SGCD: variants seen among roughly 807,000 people sequenced by gnomAD.
The protein encoded by SGCD is delta-sarcoglycan.
A neutral mutation model predicts 36.6 loss-of-function variants in SGCD; 18 were observed. That is an observed-to-expected ratio of 0.49 (90% CI 0.34 to 0.73). The LOEUF is 0.73. Among genes scored for constraint, SGCD ranks in the 30% least tolerant of loss-of-function variants. SGCD has a pLI of 0.01. For missense variants in SGCD, 387 were observed against 346.7 expected, an observed-to-expected ratio of 1.12 and a Z score of -0.92; for synonymous variants, 133 against 130.6, an observed-to-expected ratio of 1.02 and a Z score of -0.12.
At chr5:156,461,606 C>CTCT (rs954594798) in intron 3 of SGCD, among the ~76,000 whole-genome samples, 29 of 151,938 alleles carry the variant, frequency 1.9e-4, no homozygotes, top group African/African-American at 7.0e-4. Flanking sequence ...TGGATTTTCA[C>CTCT]TCTTTTTTTC....
In SGCD at chr5:155,890,239, T is replaced by C. The variant is rs867004945; in HGVS notation, c.-282+19815T>C. On this transcript the variant is annotated intron_variant, in intron 1 of 9. Transcript: ENST00000517913. ...ACAAACATCTAACACAAGTTATTGG[T>C]GTAGATTGTTTGGATATAGGAAACT... Among the ~76,000 whole-genome samples, 7 of 152,236 alleles carry C rather than the reference T, an allele frequency of 4.6e-5. No homozygotes were observed. In the South Asian group the frequency reaches 6.2e-4, roughly 14 times the overall value.
At chr5:155,778,988 A>T in the SGCD span, among the ~76,000 whole-genome samples, 1 of 152,184 alleles carries the variant, frequency 6.6e-6, no homozygotes, top group South Asian at 2.1e-4. Context: ...AGATCTCTCA[A>T]AATAAATTGA....
At chr5:156,613,145 T>C (rs1041970339) in intron 6 of SGCD, among the ~76,000 whole-genome samples, 2 of 152,206 alleles carry the variant, frequency 1.3e-5, no homozygotes, top group Non-Finnish European at 2.9e-5. Flanking sequence ...GTGATCTCCA[T>C]TGTATTTCCT....
intron 1 of SGCD, among the ~76,000 whole-genome samples, chr5:155,948,885 A>G (rs1757498038): frequency 6.6e-6 from 1 of 152,198 alleles, no homozygotes; most frequent in African/African-American, 2.4e-5. Flanking sequence ...AGTCTATAAG[A>G]TTTGGCTGAA....
intron 3 of SGCD, among the ~76,000 whole-genome samples, chr5:156,217,907 G>GAATCTTGT (rs976744381): frequency 2.0e-5 from 3 of 151,890 alleles, no homozygotes; most frequent in African/African-American, 7.3e-5. Flanking sequence ...ATCATGGCCA[G>GAATCTTGT]AATCTTGTAA....
At position 156,110,948 on chromosome 5, in the gene SGCD, C is replaced by T. The variant is rs868667106; in HGVS notation, c.-281-6930C>T. On this transcript the variant is annotated intron_variant, in intron 1 of 9. Transcript: ENST00000517913. ...AAATGTGTTGTGAAGTGTCTGAGAT[C>T]TGGGGTGAGGAGAGAAGAATGAGAG... Among the ~76,000 whole-genome samples the T allele has an allele frequency of 2.0e-5, 3 of 151,994 alleles. No homozygotes were observed. The South Asian group carries it at 6.2e-4, about 32-fold the overall frequency.
chr5:155,766,226 A>G, the SGCD span, among the ~76,000 whole-genome samples: 1 of 152,176 alleles, frequency 6.6e-6, no homozygotes, highest in Non-Finnish European at 1.5e-5. Flanking sequence ...GGATAGTCCA[A>G]TCCACATACA....
intron 3 of SGCD, among the ~76,000 whole-genome samples, chr5:156,161,864 G>T (rs1418645446): frequency 6.6e-6 from 1 of 151,592 alleles, no homozygotes; most frequent in Non-Finnish European, 1.5e-5. Flanking sequence ...CACAAAGTCA[G>T]ATGTATGAAA....
chr5:156,123,057 A>C (rs184595691), intron 2 of SGCD, among the ~76,000 whole-genome samples: 2 of 152,062 alleles, frequency 1.3e-5, no homozygotes, highest in Non-Finnish European at 2.9e-5. Flanking sequence ...TAGAAGAAGG[A>C]GGGCTTTAGT....
At chr5:155,835,282 A>G in the SGCD span, among the ~76,000 whole-genome samples, 1 of 152,060 alleles carries the variant, frequency 6.6e-6, no homozygotes, top group Non-Finnish European at 1.5e-5. Flanking sequence ...TGCTGGGATT[A>G]CAGGTGTGAG....
At chr5:156,451,786 G>A (rs533824433) in intron 3 of SGCD, among the ~76,000 whole-genome samples, 6 of 152,258 alleles carry the variant, frequency 3.9e-5, no homozygotes, top group East Asian at 1.9e-4. Context: ...ACTTCATTCT[G>A]TCTGCACTGA....
In SGCD at chr5:156,759,373, A is replaced by G; in HGVS notation, c.856A>G (p.Thr286Ala). ...AGCTGGGTCCACTTGTCAGATAAAC[A>G]CAAGTGTCTGCCTCTGAAAGACTAT... Reference protein sequence around the residue: ...AGAGSTCQINTSVCL With the variant: ...AGAGSTCQINASVCL Residue 286 changes from threonine (T) to alanine (A), a missense_variant, in exon 9 of 9, where the codon ACA becomes GCA. Physicochemically the swap from Thr to Ala is moderately conservative, Grantham distance 58 (BLOSUM62 0). Coordinates refer to ENST00000337851, the MANE Select transcript of SGCD (RefSeq NM_000337.6). 1.2e-6 allele frequency: 2 copies of G among 1,609,510 alleles called. No individual in the cohort carries two copies. Among genetic ancestry groups the G allele is most frequent in the Non-Finnish European group, 1.7e-6 (2 of 1,176,430 alleles).
At position 156,060,267 on chromosome 5, in the gene SGCD, G is replaced by A. The variant is rs961535971; in HGVS notation, c.-281-57611G>A. Among the ~76,000 whole-genome samples, 6 of 146,040 alleles carry A rather than the reference G, an allele frequency of 4.1e-5. 1 individual carries two copies. In the South Asian group the frequency reaches 6.5e-4, roughly 16 times the overall value. The stretch of plus-strand genomic sequence containing the variant: ...AAACTGAGAGAGCCTTGAATGCCAC[G>A]CTAAGAAGTGTGGCTTTGAATTATC... On this transcript the variant is annotated intron_variant, in intron 1 of 9. Transcript: ENST00000517913.
At chr5:156,021,863 A>T (rs1759108029) in intron 1 of SGCD, among the ~76,000 whole-genome samples, 1 of 152,192 alleles carries the variant, frequency 6.6e-6, no homozygotes, top group Non-Finnish European at 1.5e-5. Flanking sequence ...GATCTTTTTA[A>T]CATAATATCT....
the SGCD span, among the ~76,000 whole-genome samples, chr5:155,811,032 T>C: frequency 8.6e-5 from 13 of 150,908 alleles, no homozygotes; most frequent in African/African-American, 3.2e-4. Context: ...TTAGCCGGGA[T>C]GGTCTCGATC....
chr5:155,965,380 A>G (rs1307002711), intron 1 of SGCD, among the ~76,000 whole-genome samples: 1 of 151,982 alleles, frequency 6.6e-6, no homozygotes, highest in Non-Finnish European at 1.5e-5. Context: ...CTTTCTAAGT[A>G]TTGTCTTTGC....
intron 4 of SGCD, among the ~76,000 whole-genome samples, chr5:156,535,964 C>T (rs17639646): frequency 0.11 from 16,096 of 151,946 alleles, 1,130 homozygotes; most frequent in Admixed American, 0.16. Flanking sequence ...AGTGAGTTGA[C>T]GGATAATTTT....
chr5:156,584,192 A>G (rs1212896600), intron 4 of SGCD, among the ~76,000 whole-genome samples: 1 of 152,152 alleles, frequency 6.6e-6, no homozygotes, highest in Non-Finnish European at 1.5e-5. Context: ...AGTATATACC[A>G]AGCTCTTTTT....
intron 1 of SGCD, among the ~76,000 whole-genome samples, chr5:155,961,132 T>C (rs1484878950): frequency 6.6e-6 from 1 of 152,126 alleles, no homozygotes; most frequent in Non-Finnish European, 1.5e-5. Flanking sequence ...GAATATCAAA[T>C]ATCACCTTTT....
Sources: allele counts gnomAD v4.1 joint callset (sites outside exome capture counted in the v4.1 genomes callset), GRCh38; gene constraint gnomAD v4.1.1; transcripts MANE v1.5; gene names NCBI Gene and HGNC (gene_info 2026-07-23, HGNC 2026-07-21).